Variants in NAALAD2 observed in about 807,000 individuals in gnomAD.
NAALAD2 encodes N-acetylated alpha-linked acidic dipeptidase 2, also known as N-acetylated-alpha-linked acidic dipeptidase 2.
In NAALAD2, 89 loss-of-function variants were observed where a neutral mutation model predicts 95.6. That is an observed-to-expected ratio of 0.93 (90% CI 0.78 to 1.11). NAALAD2 has a LOEUF of 1.11. Among genes scored for constraint, NAALAD2 ranks in the 50% least tolerant of loss-of-function variants. NAALAD2 has a pLI of 0.00. For synonymous variants in NAALAD2, 264 were observed against 294.4 expected (o/e 0.90, Z 1.06); for missense variants, 894 against 872.4 (o/e 1.02, Z -0.31).
intron 2 of NAALAD2, among the ~76,000 whole-genome samples, chr11:90,139,969 A>G (rs1951564039): frequency 6.6e-6 from 1 of 151,686 alleles, no homozygotes; most frequent in Non-Finnish European, 1.5e-5. Context: ...ACCTTTTCTT[A>G]TAATGTATCA....
At position 90,163,369 on chromosome 11, in the gene NAALAD2, A is replaced by G. The variant is rs80078229; in HGVS notation, c.1135A>G (p.Thr379Ala). ...DSWVFGAIDP[T>A]SGVAVLQEIA... ...CTGGGTATTTGGAGCTATTGACCCA[A>G]CCAGTGGGGTTGCTGTTTTGCAAGA... is the stretch of plus-strand genomic sequence containing the variant. The change falls in exon 10 of 19, where the codon ACC becomes GCC. Residue 379 changes from threonine to alanine, a missense_variant. Physicochemically the swap from Thr to Ala is moderately conservative, Grantham distance 58. Coordinates refer to ENST00000534061, the MANE Select transcript of NAALAD2 (RefSeq NM_005467.4). 24,156 of 1,614,082 alleles carry G rather than the reference A, an allele frequency of 0.015. 237 individuals are homozygous for G. Among genetic ancestry groups the G allele is most frequent in the Non-Finnish European group, 0.018 (20,971 of 1,179,924 alleles).
chr11:90,152,185 A>G, intron 5 of NAALAD2, 113 bp from the exon 6 acceptor site: 3 of 940,678 alleles, frequency 3.2e-6, no homozygotes, highest in Non-Finnish European at 4.5e-6. Context: ...GTGTAATTGT[A>G]TGGTAAAAGG....
intron 18 of NAALAD2, among the ~76,000 whole-genome samples, chr11:90,187,395 G>T (rs537940128): frequency 6.6e-6 from 1 of 152,268 alleles, no homozygotes; most frequent in East Asian, 1.9e-4. Flanking sequence ...TGAACTATTA[G>T]CTGAATGTTA....
In NAALAD2 at chr11:90,152,278, A is replaced by AT; in HGVS notation, c.610-18dup. 1.3e-6 allele frequency: 2 copies of AT among 1,567,286 alleles called. No homozygotes were observed. The highest frequency in any genetic ancestry group is 2.7e-5 in the African/African-American group (2 of 74,218). On this transcript the variant is annotated intron_variant, in intron 5 of 18. Coordinates refer to ENST00000534061, the MANE Select transcript of NAALAD2 (RefSeq NM_005467.4). ...ACCATTTGCCATATCTGCATTATGA[A>AT]TTGCACATTGCCCCTGCAGGTTAAA...
At chr11:90,141,611 T>TTTGC (rs1169220151) in intron 2 of NAALAD2, among the ~76,000 whole-genome samples, 1 of 151,690 alleles carries the variant, frequency 6.6e-6, no homozygotes, top group Non-Finnish European at 1.5e-5. Context: ...TGTTTGTTTG[T>TTTGC]TTTGGTTTTG....
At chr11:90,180,738 A>G (rs1258397078) in intron 16 of NAALAD2, among the ~76,000 whole-genome samples, 1 of 152,090 alleles carries the variant, frequency 6.6e-6, no homozygotes, top group African/African-American at 2.4e-5. Flanking sequence ...AAAATATAAT[A>G]TAGTCACCTC....
chr11:90,159,922 T>G (rs868778761), intron 8 of NAALAD2, among the ~76,000 whole-genome samples: 6 of 144,500 alleles, frequency 4.2e-5, no homozygotes, highest in African/African-American at 1.6e-4. Context: ...CCATTGCACT[T>G]GAGCCTGGCC....
chr11:90,187,301 A>T (rs1247754985), intron 18 of NAALAD2, among the ~76,000 whole-genome samples: 2 of 152,084 alleles, frequency 1.3e-5, no homozygotes. Context: ...ATAGCATTTG[A>T]CCCAGGGTAA....
chr11:90,169,600 A>T (rs1218123203), intron 12 of NAALAD2: 1 of 160,546 alleles, frequency 6.2e-6, no homozygotes, highest in Non-Finnish European at 1.4e-5. Flanking sequence ...CTATGGAGAC[A>T]GTATGATTCA....
intron 7 of NAALAD2, 116 bp from the exon 8 acceptor site, chr11:90,159,123 T>G (rs3740810): frequency 0.4 from 321,654 of 804,738 alleles, 67,754 homozygotes; most frequent in African/African-American, 0.62. Flanking sequence ...TACCTGGCAC[T>G]TAGTAAATGA....
At chr11:90,179,911 A>C (rs985780732) in intron 16 of NAALAD2, among the ~76,000 whole-genome samples, 3 of 152,126 alleles carry the variant, frequency 2.0e-5, no homozygotes, top group Non-Finnish European at 2.9e-5. Flanking sequence ...ATTGGTGACT[A>C]TCCATTAGAT....
upstream of NAALAD2, among the ~76,000 whole-genome samples, chr11:90,132,849 A>G (rs10741315): frequency 0.45 from 68,788 of 151,954 alleles, 16,633 homozygotes; most frequent in African/African-American, 0.62. Context: ...CTCTAAAATA[A>G]AAAACACTGG....
chr11:90,169,949 A>G, intron 12 of NAALAD2, 120 bp from the exon 13 acceptor site: 1 of 715,100 alleles, frequency 1.4e-6, no homozygotes, highest in South Asian at 1.6e-5. Flanking sequence ...TTTGGGAATA[A>G]AATCTTTGAT....
At chr11:90,174,837 AT>A (rs1344186560) in intron 14 of NAALAD2, among the ~76,000 whole-genome samples, 1 of 152,108 alleles carries the variant, frequency 6.6e-6, no homozygotes, top group Non-Finnish European at 1.5e-5. Context: ...AAAACCTGAA[AT>A]CTGAAGTGCT....
chr11:90,141,377 T>G (rs536903155), intron 2 of NAALAD2, among the ~76,000 whole-genome samples: 1 of 152,224 alleles, frequency 6.6e-6, no homozygotes, highest in Non-Finnish European at 1.5e-5. Context: ...TGTTTCCAAT[T>G]GTAGATCATC....
intron 2 of NAALAD2, among the ~76,000 whole-genome samples, chr11:90,145,576 A>G (rs188028493): frequency 6.6e-6 from 1 of 152,308 alleles, no homozygotes; most frequent in Admixed American, 6.5e-5. Flanking sequence ...AAAAATAAAT[A>G]TGGTAAGAAA....
At chr11:90,144,368 T>G (rs1485113905) in intron 2 of NAALAD2, among the ~76,000 whole-genome samples, 1 of 152,140 alleles carries the variant, frequency 6.6e-6, no homozygotes, top group African/African-American at 2.4e-5. Context: ...CCTAGCTGAA[T>G]TTTAGCCATG....
chr11:90,140,888 A>T (rs1951594992), intron 2 of NAALAD2, among the ~76,000 whole-genome samples: 1 of 152,148 alleles, frequency 6.6e-6, no homozygotes, highest in Admixed American at 6.5e-5. Context: ...TTTTGTGCAT[A>T]AAGGTGTAAG....
At chr11:90,186,257 T>C (rs1295089087) in intron 18 of NAALAD2, among the ~76,000 whole-genome samples, 2 of 146,418 alleles carry the variant, frequency 1.4e-5, no homozygotes, top group Non-Finnish European at 3.0e-5. Flanking sequence ...AATTCCCACC[T>C]ATGAGTGAGA....
Sources: allele counts gnomAD v4.1 joint callset (sites outside exome capture counted in the v4.1 genomes callset), GRCh38; gene constraint gnomAD v4.1.1; transcripts MANE v1.5; gene names NCBI Gene and HGNC (gene_info 2026-07-23, HGNC 2026-07-21).